RERE: variants seen among roughly 807,000 people sequenced by gnomAD.
The protein encoded by RERE is arginine-glutamic acid dipeptide repeats protein.
RERE carries 40 observed loss-of-function variants against 146.1 expected under a neutral mutation model. The observed-to-expected ratio is 0.27, with a 90% confidence interval of 0.21 to 0.36. The LOEUF (loss-of-function observed/expected upper bound fraction) is 0.36, where lower values mean the gene tolerates loss of function less well. Ranked by LOEUF, RERE falls within the 10% of genes least tolerant of loss-of-function variation. RERE has a pLI of 1.00. For missense variants in RERE, 1,933 were observed against 2,138.7 expected (o/e 0.90, Z 1.90); for synonymous variants, 1,003 against 866.0 (o/e 1.16, Z -2.78).
chr1:8,773,278 T>C (rs537407882), intron 1 of RERE, among the ~76,000 whole-genome samples: 2 of 152,062 alleles, frequency 1.3e-5, no homozygotes, highest in South Asian at 2.2e-4. Context: ...TCTGTCTAAA[T>C]AGAGATGTTC....
chr1:8,444,396 A>AT (rs1423047011), intron 11 of RERE, among the ~76,000 whole-genome samples: 1 of 152,136 alleles, frequency 6.6e-6, no homozygotes. Context: ...CTTGTTTTTG[A>AT]TTTTACAGGC....
chr1:8,560,860 T>A (rs1646070254), intron 4 of RERE, among the ~76,000 whole-genome samples: 1 of 152,216 alleles, frequency 6.6e-6, no homozygotes, highest in Non-Finnish European at 1.5e-5. Context: ...CTCACAGAAA[T>A]GTATTACTTC....
At chr1:8,762,571 G>T (rs1183729791) in intron 1 of RERE, among the ~76,000 whole-genome samples, 1 of 152,088 alleles carries the variant, frequency 6.6e-6, no homozygotes, top group African/African-American at 2.4e-5. Context: ...AAAAAAAGTA[G>T]CATCAGTTAG....
intron 1 of RERE, among the ~76,000 whole-genome samples, chr1:8,681,245 CAG>C (rs1638959067): frequency 6.6e-6 from 1 of 152,244 alleles, no homozygotes; most frequent in Admixed American, 6.5e-5. Context: ...CCAAACCACT[CAG>C]AAATTTTATA....
At chr1:8,800,865 T>C (rs960911463) in intron 1 of RERE, among the ~76,000 whole-genome samples, 2 of 152,258 alleles carry the variant, frequency 1.3e-5, no homozygotes, top group Middle Eastern at 3.4e-3. Flanking sequence ...TTCGAGAGGC[T>C]GAGGCAGGAG....
intron 1 of RERE, among the ~76,000 whole-genome samples, chr1:8,747,069 T>C (rs1640436642): frequency 6.6e-6 from 1 of 152,010 alleles, no homozygotes; most frequent in Non-Finnish European, 1.5e-5. Flanking sequence ...TGGAGCGATC[T>C]TGGCTCACTG....
chr1:8,714,939 T>A (rs1639735424), intron 1 of RERE, among the ~76,000 whole-genome samples: 1 of 151,998 alleles, frequency 6.6e-6, no homozygotes, highest in African/African-American at 2.4e-5. Context: ...AGTGGAGCGA[T>A]CCTGGCTCAC....
intron 2 of RERE, among the ~76,000 whole-genome samples, chr1:8,655,750 G>A (rs1295979382): frequency 1.3e-5 from 2 of 152,014 alleles, no homozygotes; most frequent in Non-Finnish European, 2.9e-5. Flanking sequence ...AAGAACTCAT[G>A]AATGCATAAA....
chr1:8,803,259 C>T (rs1641620383), intron 1 of RERE, among the ~76,000 whole-genome samples: 2 of 151,936 alleles, frequency 1.3e-5, no homozygotes, highest in Admixed American at 1.3e-4. Context: ...GGGAGGATCA[C>T]GAGATCAAGA....
chr1:8,765,454 CAATTG>C (rs938230388), intron 1 of RERE, among the ~76,000 whole-genome samples: 4 of 152,152 alleles, frequency 2.6e-5, no homozygotes, highest in African/African-American at 9.7e-5. Context: ...ACACAAAAAA[CAATTG>C]AATTGTACAA....
intron 8 of RERE, among the ~76,000 whole-genome samples, 175 bp from the exon 9 acceptor site, chr1:8,497,704 G>A (rs1645063784): frequency 6.6e-6 from 1 of 152,110 alleles, no homozygotes; most frequent in South Asian, 2.1e-4. Flanking sequence ...CACATGTCAG[G>A]ATCATTTCAC....
chr1:8,380,346 T>C (rs1381347834), intron 12 of RERE, among the ~76,000 whole-genome samples: 1 of 150,276 alleles, frequency 6.7e-6, no homozygotes, highest in Non-Finnish European at 1.5e-5. Context: ...CAGGCTTTTT[T>C]TTTTTTTTTT....
chr1:8,661,457 A>G (rs1638454879), intron 1 of RERE, among the ~76,000 whole-genome samples: 1 of 152,164 alleles, frequency 6.6e-6, no homozygotes, highest in South Asian at 2.1e-4. Context: ...GTAGCAAAGA[A>G]AGGCATGATC....
At chr1:8,499,503 C>A (rs1449262769) in intron 8 of RERE, among the ~76,000 whole-genome samples, 3 of 152,142 alleles carry the variant, frequency 2.0e-5, no homozygotes, top group Admixed American at 6.5e-5. Flanking sequence ...GGAATGGGAC[C>A]CAGTGTGTGT....
At chr1:8,599,364 G>C (rs1646594279) in intron 4 of RERE, among the ~76,000 whole-genome samples, 1 of 152,124 alleles carries the variant, frequency 6.6e-6, no homozygotes, top group South Asian at 2.1e-4. Context: ...AGTTCAACGT[G>C]TGTTAATCAA....
At chr1:8,494,617 G>A (rs561923123) in intron 10 of RERE, among the ~76,000 whole-genome samples, 31 of 152,262 alleles carry the variant, frequency 2.0e-4, no homozygotes, top group Admixed American at 7.2e-4. Flanking sequence ...CAGCTACTCC[G>A]GAGGCTGAGG....
At chr1:8,502,690 G>T (rs1346649198) in intron 8 of RERE, among the ~76,000 whole-genome samples, 1 of 150,548 alleles carries the variant, frequency 6.6e-6, no homozygotes, top group Admixed American at 6.6e-5. Context: ...ATGGTTGCCG[G>T]GTCTGTGTGG....
At chr1:8,384,400 G>A (rs540585907) in intron 12 of RERE, among the ~76,000 whole-genome samples, 1 of 152,266 alleles carries the variant, frequency 6.6e-6, no homozygotes, top group African/African-American at 2.4e-5. Context: ...TTCTCTGGAT[G>A]CCATGAGGTA....
intron 4 of RERE, among the ~76,000 whole-genome samples, chr1:8,607,961 A>G (rs573025909): frequency 5.9e-5 from 9 of 152,212 alleles, no homozygotes; most frequent in Non-Finnish European, 1.2e-4. Context: ...CCTGACTTCA[A>G]GTGATCCACC....
Sources: allele counts gnomAD v4.1 joint callset (sites outside exome capture counted in the v4.1 genomes callset), GRCh38; gene constraint gnomAD v4.1.1; transcripts MANE v1.5; gene names NCBI Gene and HGNC (gene_info 2026-07-23, HGNC 2026-07-21).